TRIM2: variants seen among roughly 807,000 people sequenced by gnomAD.
TRIM2 encodes the protein tripartite motif-containing protein 2.
In TRIM2, 20 loss-of-function variants were observed where a neutral mutation model predicts 75.2. The ratio of observed to expected loss-of-function variants is 0.27; its 90% confidence interval spans 0.19 to 0.39. The LOEUF (loss-of-function observed/expected upper bound fraction) is 0.39, where lower values mean the gene tolerates loss of function less well. Among genes scored for constraint, TRIM2 ranks in the 10% least tolerant of loss-of-function variants. The pLI is 1.00. For missense variants in TRIM2, 660 were observed against 990.8 expected (o/e 0.67, Z 4.48); for synonymous variants, 373 against 388.3 (o/e 0.96, Z 0.46).
chr4:153,280,996 A>C (rs994926087), intron 3 of TRIM2, among the ~76,000 whole-genome samples: 4 of 152,150 alleles, frequency 2.6e-5, no homozygotes, highest in Non-Finnish European at 5.9e-5. Context: ...CAAATTCTTA[A>C]TATGTAAAAG....
chr4:153,276,143 G>A lies in TRIM2; in HGVS notation c.453+13G>A, dbSNP rs1472603089. On this transcript the variant is annotated intron_variant, in intron 3 of 11. Coordinates refer to ENST00000338700, the MANE Select transcript of TRIM2 (RefSeq NM_015271.5). ...CCACGATGGGAATGTAAGTGGCTGG[G>A]ATGGCAGATACTGCCCGGGAGCATG... is the stretch of plus-strand genomic sequence containing the variant. The A allele has an allele frequency of 1.9e-6, 3 of 1,609,422 alleles. No individual in the cohort carries two copies. The highest frequency in any genetic ancestry group is 2.2e-5 in the East Asian group (1 of 44,868).
At chr4:153,254,045 G>T (rs1440203730) in intron 1 of TRIM2, among the ~76,000 whole-genome samples, 1 of 152,132 alleles carries the variant, frequency 6.6e-6, no homozygotes, top group African/African-American at 2.4e-5. Flanking sequence ...GATCGGGACC[G>T]CTTTCCAGTA....
chr4:153,252,714 T>C (rs989136692), intron 1 of TRIM2, among the ~76,000 whole-genome samples: 1 of 152,186 alleles, frequency 6.6e-6, no homozygotes, highest in African/African-American at 2.4e-5. Context: ...TTCACTATCT[T>C]GGCCAGGCTT....
At chr4:153,305,252 C>T (rs187036236) in intron 6 of TRIM2, among the ~76,000 whole-genome samples, 39 of 152,194 alleles carry the variant, frequency 2.6e-4, no homozygotes, top group Admixed American at 2.0e-3. Context: ...CTCAGTGCCT[C>T]GGTTTCCTTT....
chr4:153,215,388 TC>T (rs1738200528), intron 1 of TRIM2, among the ~76,000 whole-genome samples: 1 of 152,084 alleles, frequency 6.6e-6, no homozygotes, highest in Admixed American at 6.5e-5. Flanking sequence ...AAAATGCATT[TC>T]CCCATGGAAA....
At chr4:153,165,877 TTTGA>T (rs1408694874) in intron 1 of TRIM2, among the ~76,000 whole-genome samples, 2 of 152,192 alleles carry the variant, frequency 1.3e-5, no homozygotes, top group African/African-American at 2.4e-5. Context: ...TATTAATTAT[TTTGA>T]TTACTTGGCT....
chr4:153,249,702 A>C (rs1750357175), intron 1 of TRIM2, among the ~76,000 whole-genome samples: 1 of 152,216 alleles, frequency 6.6e-6, no homozygotes, highest in Non-Finnish European at 1.5e-5. Flanking sequence ...CTTAAATCCC[A>C]GCCCTGTAGT....
chr4:153,331,982 T>A (rs2149595819), intron 11 of TRIM2, among the ~76,000 whole-genome samples: 1 of 152,308 alleles, frequency 6.6e-6, no homozygotes, highest in South Asian at 2.1e-4. Flanking sequence ...GTACAAAAAG[T>A]TGACTCAAAA....
chr4:153,268,487 C>T (rs1181156237), intron 1 of TRIM2, among the ~76,000 whole-genome samples: 1 of 152,228 alleles, frequency 6.6e-6, no homozygotes, highest in Non-Finnish European at 1.5e-5. Context: ...TAGGTCTGAT[C>T]TCTTTCACTG....
chr4:153,192,492 A>G (rs1733298892), intron 1 of TRIM2, among the ~76,000 whole-genome samples: 1 of 151,678 alleles, frequency 6.6e-6, no homozygotes, highest in South Asian at 2.1e-4. Context: ...CAGTAGTCCC[A>G]GTTACTCAGG....
chr4:153,258,092 A>G (rs1036221798), intron 1 of TRIM2, among the ~76,000 whole-genome samples: 2 of 152,118 alleles, frequency 1.3e-5, no homozygotes, highest in Admixed American at 6.5e-5. Context: ...AAACATGGAG[A>G]TGAAATATTT....
At position 153,204,575 on chromosome 4, in the gene TRIM2, C is replaced by T. The variant is rs1734861072; in HGVS notation, c.30+15C>T. The stretch of plus-strand genomic sequence containing the variant: ...ATGGAACGCAGGTAAGGACGCTTCT[C>T]AATGTGGGATAATTCTTTTTCTGGG... On this transcript the variant is annotated intron_variant, in intron 1 of 11. Transcript: ENST00000338700. The T allele has an allele frequency of 1.3e-6, 2 of 1,551,674 alleles. No homozygotes were observed. The highest frequency in any genetic ancestry group is 2.4e-5 in the East Asian group (1 of 40,922).
intron 8 of TRIM2, among the ~76,000 whole-genome samples, chr4:153,320,541 G>A (rs1482488136): frequency 1.3e-5 from 2 of 152,182 alleles, no homozygotes; most frequent in African/African-American, 4.8e-5. Flanking sequence ...AGAAGTCTAT[G>A]TACATACATG....
chr4:153,283,291 T>C (rs1252673919), intron 3 of TRIM2, among the ~76,000 whole-genome samples: 1 of 152,180 alleles, frequency 6.6e-6, no homozygotes, highest in Admixed American at 6.5e-5. Flanking sequence ...TTACGGACAT[T>C]TGATATAAAT....
At position 153,328,645 on chromosome 4, in the gene TRIM2, C is replaced by G. The variant is rs770366483; in HGVS notation, c.2138C>G (p.Ala713Gly). 1 of 1,611,218 alleles carries G rather than the reference C, an allele frequency of 6.2e-7. No individual in the cohort carries two copies. Among genetic ancestry groups the G allele is most frequent in the Non-Finnish European group, 8.5e-7 (1 of 1,178,818 alleles). ...GATTCAAATGGAAACATCATTGTGG[C>G]CGACTGGGGAAACAGCAGGATCCAG... ...AVDSNGNIIVADWGNSRIQVF... is the reference protein window; with the variant it reads ...AVDSNGNIIVGDWGNSRIQVF... The change falls in exon 11 of 12, where the codon GCC becomes GGC. Residue 713 changes from alanine to glycine, a missense_variant. Physicochemically the swap from Ala to Gly is moderately conservative, Grantham distance 60. Coordinates refer to ENST00000338700, the MANE Select transcript of TRIM2 (RefSeq NM_015271.5).
rs1762400092 is a variant in TRIM2, at chr4:153,294,479, A to G, written c.780A>G (p.Lys260=). 1 of 1,613,490 alleles carries G rather than the reference A, an allele frequency of 6.2e-7. No homozygotes were observed. The highest frequency in any genetic ancestry group is 1.3e-5 in the African/African-American group (1 of 74,928). ...AATTGGAGGTCAACTATGGCCTCAA[A>G]CACAAAGTAAGACCAGAATCATTAC... ...LMELEVNYGL[K]HKVLQSQLDT... The change falls in exon 5 of 12, where the codon AAA becomes AAG. Residue 260 remains lysine, a synonymous_variant. Transcript: ENST00000338700.
intron 11 of TRIM2, among the ~76,000 whole-genome samples, chr4:153,329,844 TA>T (rs935599525): frequency 1.4e-3 from 172 of 126,074 alleles, no homozygotes; most frequent in Admixed American, 4.2e-3. Flanking sequence ...CTCAAAAAAT[TA>T]AAAAAAAAAA....
chr4:153,320,650 C>T (rs549646901), intron 8 of TRIM2, among the ~76,000 whole-genome samples: 2 of 151,832 alleles, frequency 1.3e-5, no homozygotes, highest in South Asian at 2.1e-4. Context: ...TTGTTGTTTT[C>T]GAGACAGAGT....
chr4:153,204,679 C>A (rs1441108722), intron 1 of TRIM2, 119 bp downstream of exon 1: 5 of 1,292,024 alleles, frequency 3.9e-6, no homozygotes, highest in African/African-American at 3.0e-5. Context: ...TTTTTCCCTG[C>A]AGAAGAGGGA....
Sources: gnomAD v4.1 joint callset for allele counts (sites outside exome capture counted in the v4.1 genomes callset) on GRCh38, gnomAD v4.1.1 for gene constraint, MANE v1.5 for transcripts, NCBI Gene and HGNC (gene_info 2026-07-23, HGNC 2026-07-21) for gene names.